Variants in HEG1 observed in about 807,000 individuals in gnomAD.
The protein encoded by HEG1 is heart development protein with EGF like domains 1.
A neutral mutation model predicts 125.6 loss-of-function variants in HEG1; 56 were observed. The observed-to-expected ratio is 0.45, with a 90% CI of 0.36 to 0.56. The LOEUF (loss-of-function observed/expected upper bound fraction) is 0.56, where lower values mean the gene tolerates loss of function less well. Among genes scored for constraint, HEG1 ranks in the 20% least tolerant of loss-of-function variants. The pLI is 0.00. For missense variants in HEG1, 1,523 were observed against 1,670.0 expected (o/e 0.91, Z 1.53); for synonymous variants, 644 against 668.5 (o/e 0.96, Z 0.57).
rs1289487344 is a variant in HEG1, at chr3:125,029,442, T to C, written c.363A>G (p.Val121=). ...GATTCTGATAGAAGGTGATGTTTTC[T>C]ACATGGGCCTCAGTGTTACTTTCTG... ...HWPESNTEAH[V]ENITFYQNQE... The change falls in exon 2 of 17, where the codon GTA becomes GTG. Residue 121 remains valine, a synonymous_variant. Transcript: ENST00000311127. The C allele has an allele frequency of 2.5e-6, 4 of 1,603,108 alleles. No homozygotes were observed. The highest frequency in any genetic ancestry group is 3.4e-6 in the Non-Finnish European group (4 of 1,179,716).
At chr3:124,977,790 G>T in intron 15 of HEG1, 69 bp downstream of exon 15, 1 of 982,162 alleles carries the variant, frequency 1.0e-6, no homozygotes, top group Admixed American at 2.2e-5. Context: ...TCCTGTAAAA[G>T]AATACAAACT....
chr3:125,017,252 G>A (rs886435337), intron 5 of HEG1, among the ~76,000 whole-genome samples: 4 of 152,112 alleles, frequency 2.6e-5, no homozygotes, highest in Admixed American at 2.6e-4. Flanking sequence ...ACAGGGTTTT[G>A]CCATGTTGGC....
At chr3:125,033,152 A>AT (rs1006010524) in intron 1 of HEG1, among the ~76,000 whole-genome samples, 43 of 152,202 alleles carry the variant, frequency 2.8e-4, no homozygotes, top group African/African-American at 9.7e-4. Context: ...TGAATAAAAT[A>AT]TTTTTTTAAA....
chr3:124,998,589 A>G (rs1936958298), intron 11 of HEG1, among the ~76,000 whole-genome samples: 1 of 152,212 alleles, frequency 6.6e-6, no homozygotes, highest in Admixed American at 6.5e-5. Flanking sequence ...CAGGCAGAGA[A>G]GGAGCCCATC....
chr3:124,991,598 T>C (rs921523411), intron 12 of HEG1, among the ~76,000 whole-genome samples: 1 of 152,166 alleles, frequency 6.6e-6, no homozygotes, highest in Non-Finnish European at 1.5e-5. Flanking sequence ...AACCACTAAA[T>C]CAGGGTTTTG....
chr3:125,009,870 G>A (rs748081158), intron 7 of HEG1, 46 bp from the exon 8 acceptor site: 4 of 1,571,506 alleles, frequency 2.5e-6, no homozygotes, highest in Non-Finnish European at 2.6e-6. Flanking sequence ...GTAGCAAACA[G>A]CAAAACCATA....
At chr3:125,019,680 G>A in intron 4 of HEG1, 83 bp from the exon 5 acceptor site, 1 of 1,078,026 alleles carries the variant, frequency 9.3e-7, no homozygotes. Context: ...ACCTCTCTAG[G>A]GAAAGATTCT....
In HEG1 at chr3:125,013,480, T is replaced by G. The variant is rs764589159; in HGVS notation, c.2099A>C (p.His700Pro). Reference protein sequence around the residue: ...SILPSTRASVHLLKSTSDAST... With the variant: ...SILPSTRASVPLLKSTSDAST... Reference sequence around the variant, plus strand: ...TGCATCAGAGGTAGACTTTAGTAGATGCACAGAGGCCCTGGTTGATGGTAA... The same window carrying G: ...TGCATCAGAGGTAGACTTTAGTAGAGGCACAGAGGCCCTGGTTGATGGTAA... Residue 700 changes from histidine (H) to proline (P), a missense_variant, in exon 6 of 17, where the codon CAT (histidine) becomes CCT (proline). Physicochemically the swap from His to Pro is moderately conservative, Grantham distance 77 (BLOSUM62 -2). Coordinates refer to ENST00000311127, the MANE Select transcript of HEG1 (RefSeq NM_020733.2). 3 of 1,613,874 alleles carry G rather than the reference T, an allele frequency of 1.9e-6. No homozygotes were observed. Among genetic ancestry groups the G allele is most frequent in the Non-Finnish European group, 2.5e-6 (3 of 1,179,868 alleles).
At chr3:125,006,179 G>A (rs576648806) in intron 8 of HEG1, among the ~76,000 whole-genome samples, 1 of 152,194 alleles carries the variant, frequency 6.6e-6, no homozygotes, top group African/African-American at 2.4e-5. Context: ...TGGGGCTGCC[G>A]ACTCCATGAT....
chr3:125,000,816 A>G (rs1471739797), intron 11 of HEG1, among the ~76,000 whole-genome samples: 1 of 152,186 alleles, frequency 6.6e-6, no homozygotes, highest in Non-Finnish European at 1.5e-5. Context: ...TCTTCTACTC[A>G]TGTCCAGCGT....
intron 4 of HEG1, among the ~76,000 whole-genome samples, chr3:125,020,181 C>G (rs1178082812): frequency 6.6e-6 from 1 of 152,180 alleles, no homozygotes; most frequent in African/African-American, 2.4e-5. Context: ...AATCCCAGCA[C>G]TTTGGGAGGG....
chr3:124,975,678 T>C (rs1410751972), intron 15 of HEG1, among the ~76,000 whole-genome samples: 1 of 152,156 alleles, frequency 6.6e-6, no homozygotes, highest in Non-Finnish European at 1.5e-5. Context: ...CTTCCAATTC[T>C]CCCCTTTTCC....
At chr3:124,970,873 A>G (rs1453640119) in intron 16 of HEG1, 72 bp from the exon 17 acceptor site, 2 of 1,263,726 alleles carry the variant, frequency 1.6e-6, no homozygotes, top group Non-Finnish European at 2.2e-6. Flanking sequence ...TTAAATCCCA[A>G]TGATTTTAGA....
intron 1 of HEG1, among the ~76,000 whole-genome samples, chr3:125,037,002 A>G (rs1056902941): frequency 6.6e-6 from 1 of 152,234 alleles, no homozygotes; most frequent in Non-Finnish European, 1.5e-5. Context: ...GGGTATAAGG[A>G]AGTTTATCAC....
chr3:125,047,003 C>T (rs1191155835), intron 1 of HEG1, among the ~76,000 whole-genome samples: 2 of 152,218 alleles, frequency 1.3e-5, no homozygotes, highest in Non-Finnish European at 2.9e-5. Context: ...CCTCAGATGA[C>T]CATAGGTGAG....
chr3:125,018,161 C>G (rs1937281196), intron 5 of HEG1, among the ~76,000 whole-genome samples: 1 of 152,084 alleles, frequency 6.6e-6, no homozygotes, highest in Admixed American at 6.5e-5. Flanking sequence ...AATTGATAAA[C>G]AAAGTGTGGT....
intron 12 of HEG1, among the ~76,000 whole-genome samples, chr3:124,994,052 T>C (rs950322590): frequency 3.9e-5 from 6 of 152,184 alleles, no homozygotes; most frequent in Admixed American, 2.6e-4. Context: ...TTGGCACCAG[T>C]GACTGGTTTC....
At position 124,970,745 on chromosome 3, in the gene HEG1, A is replaced by G. The variant is rs1361886886; in HGVS notation, c.4053T>C (p.Thr1351=). The G allele has an allele frequency of 1.9e-6, 3 of 1,610,694 alleles. No homozygotes were observed. The highest frequency in any genetic ancestry group is 1.3e-5 in the African/African-American group (1 of 75,014). Residue 1351 remains threonine (T), a synonymous_variant, in exon 17 of 17, where the codon ACT becomes ACC. Transcript: ENST00000311127. ...LERNGLYPAY[T]GLPGSRHSCI... ...AAGAATGCCGTGATCCTGGCAGTCC[A>G]GTGTAGGCCGGGTAGAGTCCGTTTC...
In HEG1 at chr3:124,966,386, T is replaced by G. The variant is rs1204559098; in HGVS notation, c.*4266A>C. On this transcript the variant is annotated 3_prime_UTR_variant, in exon 17 of 17. Coordinates refer to ENST00000311127, the MANE Select transcript of HEG1 (RefSeq NM_020733.2). Reference sequence around the variant, plus strand: ...AGATACTTTACTACAACAAATTAATTGGCATTTAATACTTTCATGTTCCTA... The same window carrying G: ...AGATACTTTACTACAACAAATTAATGGGCATTTAATACTTTCATGTTCCTA... The G allele has an allele frequency of 6.6e-6, 1 of 152,180 alleles. No homozygotes were observed. The highest frequency in any genetic ancestry group is 1.5e-5 in the Non-Finnish European group (1 of 68,034). The allele number at this position is 152,180 out of a possible 1,614,324, so 9.4% of individuals were successfully genotyped here.
Sources: gnomAD v4.1 joint callset for allele counts (sites outside exome capture counted in the v4.1 genomes callset) on GRCh38, gnomAD v4.1.1 for gene constraint, MANE v1.5 for transcripts, NCBI Gene and HGNC (gene_info 2026-07-23, HGNC 2026-07-21) for gene names.